The following GTPBP6 variants were observed in gnomAD, a reference collection of about 807,000 sequenced individuals.
GTPBP6 encodes putative GTP-binding protein 6.
A neutral mutation model predicts 28.9 loss-of-function variants in GTPBP6; 33 were observed. That is an observed-to-expected ratio of 1.14 (90% CI 0.87 to 1.53). The LOEUF is 1.53. Among genes scored for constraint, GTPBP6 ranks in the 40% most tolerant of loss-of-function variants. The probability of loss-of-function intolerance (pLI) is 0.00; values close to 1 mark genes in which losing one functional copy is unlikely to be tolerated. For missense variants in GTPBP6, 507 were observed against 408.3 expected (o/e 1.24, Z -2.08); for synonymous variants, 231 against 192.7 (o/e 1.20, Z -1.65).
intron 6 of GTPBP6, 74 bp from the exon 7 acceptor site, chrX:311,701 C>A: frequency 1.6e-6 from 2 of 1,221,154 alleles, no homozygotes; most frequent in Admixed American, 1.7e-5. Context: ...CCAGGCCCTC[C>A]AAATGGAGAC....
intron 5 of GTPBP6, among the ~76,000 whole-genome samples, 190 bp downstream of exon 5, chrX:313,960 C>A (rs866933501): frequency 1.0e-4 from 14 of 134,500 alleles, no homozygotes; most frequent in African/African-American, 2.2e-4. Context: ...CCAGACGGAG[C>A]CCCCAGCCAG....
intron 2 of GTPBP6, 121 bp downstream of exon 2, chrX:316,793 G>A (rs1282244305): frequency 3.8e-5 from 15 of 398,346 alleles, no homozygotes; most frequent in Non-Finnish European, 4.9e-5. Context: ...GGCAATCCGA[G>A]AGGCCGCTTC....
intron 5 of GTPBP6, 84 bp from the exon 6 acceptor site, chrX:313,008 G>A (rs1200190443): frequency 3.2e-6 from 4 of 1,244,328 alleles, no homozygotes; most frequent in Non-Finnish European, 4.5e-6. Context: ...GTCTGCGGGG[G>A]CCCGGGGCCT....
intron 7 of GTPBP6, 72 bp from the exon 8 acceptor site, chrX:307,952 G>A (rs1199877773): frequency 4.5e-6 from 6 of 1,332,798 alleles, no homozygotes; most frequent in Middle Eastern, 2.8e-4. Flanking sequence ...GACAGGCCCA[G>A]GAGAGGGGCT....
chrX:306,390 G>A (rs1321277951), intron 9 of GTPBP6, among the ~76,000 whole-genome samples: 22 of 150,080 alleles, frequency 1.5e-4, no homozygotes, highest in Admixed American at 1.5e-3. Flanking sequence ...GCACAGATTA[G>A]GCACCTGTTG....
At chrX:315,663 TCCCG>T (rs2070419860) in intron 2 of GTPBP6, among the ~76,000 whole-genome samples, 25 of 24,438 alleles carry the variant, frequency 1.0e-3, no homozygotes, top group Admixed American at 2.3e-3. Flanking sequence ...AGTAAACACA[TCCCG>T]GCAGGGACAC....
intron 6 of GTPBP6, chrX:312,039 G>T: frequency 2.1e-6 from 1 of 466,204 alleles, no homozygotes; most frequent in South Asian, 1.8e-5. Flanking sequence ...TACGGCAGTG[G>T]TGCCGGTGTT....
intron 6 of GTPBP6, 142 bp from the exon 7 acceptor site, chrX:311,769 AC>A: frequency 1.4e-6 from 1 of 697,092 alleles, no homozygotes; most frequent in South Asian, 1.7e-5. Context: ...CTCCTCGGGC[AC>A]CCCGGGCCAG....
chrX:316,516 C>T (rs2070443629), intron 2 of GTPBP6, among the ~76,000 whole-genome samples: 1 of 152,140 alleles, frequency 6.6e-6, no homozygotes. Context: ...GGTCAGAAAC[C>T]TGGGAAGCGC....
chrX:311,550 C>G, exon 7 of GTPBP6: 1 of 1,612,292 alleles, frequency 6.2e-7, no homozygotes, highest in East Asian at 2.2e-5. Context: ...TGGGCCGTGA[C>G]GTCCAGCGTG....
intron 9 of GTPBP6, among the ~76,000 whole-genome samples, chrX:305,498 T>G (rs748913254): frequency 6.7e-4 from 101 of 151,438 alleles, no homozygotes; most frequent in African/African-American, 2.4e-3. Context: ...ATTTTTTGTG[T>G]TTTTAGTAGA....
At chrX:316,039 GACAGACACACAC>G (rs1240309302) in intron 2 of GTPBP6, among the ~76,000 whole-genome samples, 1,061 of 29,624 alleles carry the variant, frequency 0.036, 45 homozygotes, top group South Asian at 0.053. Flanking sequence ...TCCCGACAGG[GACAGACACACAC>G]ACAGACACAT....
At chrX:314,956 A>G (rs1295558321) in exon 4 of GTPBP6, 20 of 398,604 alleles carry the variant, frequency 5.0e-5, no homozygotes, top group Non-Finnish European at 2.2e-5. Flanking sequence ...GTTACAGCGG[A>G]AGATGTGCAG....
exon 10 of GTPBP6, chrX:305,197 G>A: frequency 6.2e-7 from 1 of 1,612,368 alleles, no homozygotes; most frequent in Non-Finnish European, 8.5e-7. Flanking sequence ...TATACAGCCA[G>A]CTGGGCACAG....
intron 8 of GTPBP6, 29 bp from the exon 9 acceptor site, chrX:307,541 G>A (rs757372112): frequency 4.9e-5 from 79 of 1,606,504 alleles, no homozygotes; most frequent in South Asian, 5.5e-5. Context: ...CACAGGCCCC[G>A]CTCAGCGTCG....
At chrX:307,827 T>C in exon 8 of GTPBP6, 1 of 1,550,666 alleles carries the variant, frequency 6.4e-7, no homozygotes, top group Non-Finnish European at 8.7e-7. Flanking sequence ...GAACGCTGCA[T>C]TTCTGGAGCT....
chrX:318,686 G>A, exon 1 of GTPBP6: 1 of 390,082 alleles, frequency 2.6e-6, no homozygotes, highest in Non-Finnish European at 4.5e-6. Context: ...CGGCTAGCGC[G>A]CGCGCGGGGC....
At chrX:314,839 G>GGT in intron 4 of GTPBP6, 51 bp downstream of exon 4, 5 of 400,174 alleles carry the variant, frequency 1.2e-5, no homozygotes, top group Non-Finnish European at 2.2e-5. Flanking sequence ...AGAACGGAGG[G>GGT]GTTCCGGGAG....
intron 1 of GTPBP6, among the ~76,000 whole-genome samples, chrX:317,835 T>G (rs2070468710): frequency 3.2e-5 from 1 of 30,912 alleles, no homozygotes; most frequent in Admixed American, 4.0e-4. Flanking sequence ...CCCACGCACC[T>G]CCACCAATGA....
Sources: gnomAD v4.1 joint callset for allele counts (sites outside exome capture counted in the v4.1 genomes callset) on GRCh38, gnomAD v4.1.1 for gene constraint, MANE v1.5 for transcripts, NCBI Gene and HGNC (gene_info 2026-07-23, HGNC 2026-07-21) for gene names.